Variants in TENM2 observed in about 807,000 individuals in gnomAD.
TENM2 encodes teneurin-2.
TENM2 carries 52 observed loss-of-function variants against 245.2 expected under a neutral mutation model. The observed-to-expected ratio is 0.21, with a 90% CI of 0.17 to 0.27. TENM2 has a LOEUF of 0.27. Ranked by LOEUF, TENM2 falls within the 10% of genes least tolerant of loss-of-function variation. The pLI, the probability that TENM2 is intolerant of heterozygous loss-of-function variation, is 1.00. For synonymous variants in TENM2, 1,363 were observed against 1,438.9 expected, an observed-to-expected ratio of 0.95 and a Z score of 1.19; for missense variants, 3,046 against 3,666.8, an observed-to-expected ratio of 0.83 and a Z score of 4.37.
chr5:168,034,172 T>C (rs1404805229), intron 5 of TENM2, among the ~76,000 whole-genome samples: 35 of 84,750 alleles, frequency 4.1e-4, no homozygotes, highest in African/African-American at 1.1e-3. Flanking sequence ...TGTATATATA[T>C]ACACACACAC....
the TENM2 span, among the ~76,000 whole-genome samples, chr5:167,255,259 A>G: frequency 4.0e-4 from 61 of 152,170 alleles, no homozygotes; most frequent in African/African-American, 1.4e-3. Flanking sequence ...TTGAATGGCA[A>G]CTTTATTTCT....
the TENM2 span, among the ~76,000 whole-genome samples, chr5:166,997,707 G>A: frequency 6.6e-6 from 1 of 152,194 alleles, no homozygotes; most frequent in Admixed American, 6.5e-5. Flanking sequence ...TCCATTCACT[G>A]TGTCTGAGAA....
At chr5:167,754,728 C>CGAAAA (rs112711792) in intron 2 of TENM2, among the ~76,000 whole-genome samples, 1 of 145,166 alleles carries the variant, frequency 6.9e-6, no homozygotes, top group Non-Finnish European at 1.5e-5. Flanking sequence ...AGAGATATTT[C>CGAAAA]AAAAAAAAAA....
chr5:167,769,842 G>A (rs1481169822), intron 2 of TENM2, among the ~76,000 whole-genome samples: 1 of 152,156 alleles, frequency 6.6e-6, no homozygotes, highest in Admixed American at 6.5e-5. Context: ...CAAGACAATG[G>A]CCAGTGAACC....
intron 4 of TENM2, among the ~76,000 whole-genome samples, chr5:167,962,863 A>G (rs917259443): frequency 6.6e-6 from 1 of 152,194 alleles, no homozygotes; most frequent in African/African-American, 2.4e-5. Context: ...TATGGGAACT[A>G]CAATTCAAGA....
chr5:167,482,794 T>C (rs975913347), intron 2 of TENM2, among the ~76,000 whole-genome samples: 2 of 152,348 alleles, frequency 1.3e-5, no homozygotes, highest in Non-Finnish European at 2.9e-5. Flanking sequence ...GCAACAGTTA[T>C]ATTAAGTGAG....
At position 167,313,956 on chromosome 5, in the gene TENM2, C is replaced by A. The variant is rs371802285; in HGVS notation, c.226+28893C>A. The stretch of plus-strand genomic sequence containing the variant: ...GTGTCCTTTCTCCTCCACCTATTCC[C>A]TGTCCCGAGTCTCATTTTCATGCTC... On this transcript the variant is annotated intron_variant, in intron 1 of 28. Transcript: ENST00000518659. 3.3e-5 allele frequency among the ~76,000 whole-genome samples: 5 copies of A among 152,286 alleles called. No homozygotes were observed. The South Asian group carries it at 1.0e-3, about 32-fold the overall frequency.
the TENM2 span, among the ~76,000 whole-genome samples, chr5:167,165,608 C>CA: frequency 6.6e-5 from 10 of 151,462 alleles, no homozygotes; most frequent in East Asian, 3.9e-4. Context: ...GCTGAATACA[C>CA]AAAAAAAATC....
At chr5:168,133,471 A>G (rs2152381449) in intron 12 of TENM2, among the ~76,000 whole-genome samples, 1 of 152,338 alleles carries the variant, frequency 6.6e-6, no homozygotes, top group East Asian at 1.9e-4. Context: ...AAACATATGA[A>G]TGGGTTATTC....
chr5:167,749,379 C>T (rs1283399479), intron 2 of TENM2, among the ~76,000 whole-genome samples: 2 of 152,040 alleles, frequency 1.3e-5, no homozygotes, highest in African/African-American at 4.8e-5. Context: ...GTGGCTCATG[C>T]CTATAATTTC....
At chr5:167,944,096 T>C (rs1234278023) in intron 3 of TENM2, among the ~76,000 whole-genome samples, 1 of 152,196 alleles carries the variant, frequency 6.6e-6, no homozygotes, top group Non-Finnish European at 1.5e-5. Context: ...GGGGCAATGG[T>C]CAAATGATGT....
the TENM2 span, among the ~76,000 whole-genome samples, chr5:167,001,000 T>G: frequency 1.3e-5 from 2 of 152,198 alleles, no homozygotes; most frequent in Non-Finnish European, 2.9e-5. Context: ...GTTTAGTCAT[T>G]TAGCCAATGC....
intron 2 of TENM2, among the ~76,000 whole-genome samples, chr5:167,491,942 C>A (rs1768453725): frequency 6.6e-6 from 1 of 151,994 alleles, no homozygotes; most frequent in South Asian, 2.1e-4. Context: ...CCTAACAAAG[C>A]AGAATAAACT....
chr5:167,151,769 G>A, the TENM2 span, among the ~76,000 whole-genome samples: 1 of 152,206 alleles, frequency 6.6e-6, no homozygotes, highest in Admixed American at 6.5e-5. Context: ...CACCCGCCTC[G>A]GCCTCCCAAA....
chr5:167,800,389 G>A (rs1038437503), intron 2 of TENM2, among the ~76,000 whole-genome samples: 1 of 152,178 alleles, frequency 6.6e-6, no homozygotes, highest in African/African-American at 2.4e-5. Context: ...AGTCTGTCGT[G>A]GAACACCCAA....
chr5:167,875,545 T>A (rs556997867), intron 2 of TENM2, among the ~76,000 whole-genome samples: 2 of 152,108 alleles, frequency 1.3e-5, no homozygotes, highest in Non-Finnish European at 2.9e-5. Flanking sequence ...AATGATACAA[T>A]CTGATTCCTC....
chr5:167,336,396 G>T (rs918474051), intron 1 of TENM2, among the ~76,000 whole-genome samples: 33 of 143,290 alleles, frequency 2.3e-4, no homozygotes, highest in African/African-American at 5.4e-4. Flanking sequence ...GGTTCCTGTG[G>T]TTTTTTTTTT....
upstream of TENM2, among the ~76,000 whole-genome samples, chr5:167,280,219 T>A (rs1204414377): frequency 6.6e-6 from 1 of 152,142 alleles, no homozygotes; most frequent in Non-Finnish European, 1.5e-5. Context: ...GTGATACCTC[T>A]CTGGGTGGTA....
At chr5:168,080,646 G>T (rs1167078710) in intron 7 of TENM2, among the ~76,000 whole-genome samples, 8 of 152,102 alleles carry the variant, frequency 5.3e-5, no homozygotes, top group Non-Finnish European at 1.2e-4. Context: ...GTTCTCGTTG[G>T]TTTCAAAGAA....
Sources: allele counts gnomAD v4.1 joint callset (sites outside exome capture counted in the v4.1 genomes callset), GRCh38; gene constraint gnomAD v4.1.1; transcripts MANE v1.5; gene names NCBI Gene and HGNC (gene_info 2026-07-23, HGNC 2026-07-21).